The following BLTP3A variants were observed in gnomAD, a reference collection of about 807,000 sequenced individuals.
BLTP3A encodes bridge-like lipid transfer protein family member 3A.
chr6:34,839,269 C>T, the BLTP3A span, among the ~76,000 whole-genome samples: 3 of 152,212 alleles, frequency 2.0e-5, no homozygotes, highest in East Asian at 1.9e-4. Flanking sequence ...TTTTAAAATA[C>T]GGGAATAATT....
chr6:34,864,301 A>C, the BLTP3A span: 1 of 1,152,356 alleles, frequency 8.7e-7, no homozygotes, highest in Non-Finnish European at 1.2e-6. Context: ...AGAGATGATA[A>C]TATAGACATT....
chr6:34,872,254 G>A, the BLTP3A span: 1 of 1,540,638 alleles, frequency 6.5e-7, no homozygotes. Context: ...TCCCTTTACT[G>A]GCGGTTGTTG....
chr6:34,846,564 T>A, the BLTP3A span, among the ~76,000 whole-genome samples: 1 of 152,234 alleles, frequency 6.6e-6, no homozygotes, highest in Non-Finnish European at 1.5e-5. Context: ...TTTTTCAGAT[T>A]GTTTGCTGTT....
At chr6:34,853,622 G>A in the BLTP3A span, among the ~76,000 whole-genome samples, 23 of 151,748 alleles carry the variant, frequency 1.5e-4, no homozygotes, top group Non-Finnish European at 2.5e-4. Context: ...GTGCAATGGC[G>A]CCATCTCAGC....
chr6:34,799,056 C>T, the BLTP3A span, among the ~76,000 whole-genome samples: 1 of 152,218 alleles, frequency 6.6e-6, no homozygotes, highest in South Asian at 2.1e-4. Context: ...ATCCTCCTGC[C>T]TCAGCCTCCT....
chr6:34,859,027 G>A, the BLTP3A span: 1 of 1,614,070 alleles, frequency 6.2e-7, no homozygotes, highest in Admixed American at 1.7e-5. Flanking sequence ...ACCCGGTGCT[G>A]TCGATGCTGA....
chr6:34,870,890 G>A, the BLTP3A span: 1 of 1,614,144 alleles, frequency 6.2e-7, no homozygotes, highest in Non-Finnish European at 8.5e-7. Flanking sequence ...TTGAAGACTG[G>A]CCACATCAGG....
chr6:34,847,253 A>C, the BLTP3A span, among the ~76,000 whole-genome samples: 2 of 150,862 alleles, frequency 1.3e-5, no homozygotes, highest in Admixed American at 1.3e-4. Flanking sequence ...TTCCAAGAAC[A>C]CTTTCATGTA....
At chr6:34,821,430 G>C in the BLTP3A span, 7 of 398,986 alleles carry the variant, frequency 1.8e-5, no homozygotes, top group South Asian at 1.2e-4. Flanking sequence ...GGTGTGGTCT[G>C]AGTGCATTTG....
the BLTP3A span, among the ~76,000 whole-genome samples, chr6:34,796,118 A>G: frequency 6.6e-6 from 1 of 152,218 alleles, no homozygotes; most frequent in Non-Finnish European, 1.5e-5. Context: ...TTAAATAAAG[A>G]TATAGTGTAT....
At chr6:34,843,315 A>G in the BLTP3A span, among the ~76,000 whole-genome samples, 1 of 151,946 alleles carries the variant, frequency 6.6e-6, no homozygotes, top group Non-Finnish European at 1.5e-5. Context: ...TTGCCCACAT[A>G]TCTATATACA....
At chr6:34,801,114 G>C in the BLTP3A span, among the ~76,000 whole-genome samples, 1 of 152,136 alleles carries the variant, frequency 6.6e-6, no homozygotes, top group South Asian at 2.1e-4. Flanking sequence ...TTACATGTAT[G>C]CTTGGTCTTT....
At chr6:34,836,168 G>GC in the BLTP3A span, 1 of 1,614,024 alleles carries the variant, frequency 6.2e-7, no homozygotes, top group Non-Finnish European at 8.5e-7. Flanking sequence ...CACTCCACCA[G>GC]CCCCCAGTGC....
At chr6:34,815,121 G>A in the BLTP3A span, among the ~76,000 whole-genome samples, 1 of 152,302 alleles carries the variant, frequency 6.6e-6, no homozygotes, top group Non-Finnish European at 1.5e-5. Context: ...CAGATGTTAT[G>A]AAGACCCTTC....
the BLTP3A span, among the ~76,000 whole-genome samples, chr6:34,809,150 T>G: frequency 6.6e-6 from 1 of 152,140 alleles, no homozygotes; most frequent in African/African-American, 2.4e-5. Flanking sequence ...TCCAGCACTT[T>G]GGAAGGCTGA....
At chr6:34,802,510 C>T in the BLTP3A span, among the ~76,000 whole-genome samples, 1 of 152,136 alleles carries the variant, frequency 6.6e-6, no homozygotes, top group Non-Finnish European at 1.5e-5. Flanking sequence ...GCTGGGATTA[C>T]AGGCACCCAC....
the BLTP3A span, among the ~76,000 whole-genome samples, chr6:34,851,337 C>G: frequency 0.22 from 32,715 of 152,034 alleles, 4,238 homozygotes; most frequent in African/African-American, 0.36. Context: ...AAATTTTTGG[C>G]CACTGCAGCT....
the BLTP3A span, chr6:34,858,866 C>G: frequency 1.2e-6 from 2 of 1,614,164 alleles, no homozygotes; most frequent in South Asian, 1.1e-5. Context: ...CAGTACTTGG[C>G]TCTGCTTCGC....
At chr6:34,796,782 C>T in the BLTP3A span, among the ~76,000 whole-genome samples, 1 of 151,810 alleles carries the variant, frequency 6.6e-6, no homozygotes, top group African/African-American at 2.4e-5. Context: ...CGGTTCATTG[C>T]AACCTCTGCC....
Sources: gnomAD v4.1 joint callset for allele counts (sites outside exome capture counted in the v4.1 genomes callset) on GRCh38, gnomAD v4.1.1 for gene constraint, MANE v1.5 for transcripts, NCBI Gene and HGNC (gene_info 2026-07-23, HGNC 2026-07-21) for gene names.